The following ROBO2 variants were observed in gnomAD, a reference collection of about 807,000 sequenced individuals.
The protein encoded by ROBO2 is roundabout homolog 2.
In ROBO2, 53 loss-of-function variants were observed where a neutral mutation model predicts 160.8. The ratio of observed to expected loss-of-function variants is 0.33; its 90% confidence interval spans 0.26 to 0.41. ROBO2 has a LOEUF of 0.41. Ranked by LOEUF, ROBO2 falls within the 10% of genes least tolerant of loss-of-function variation. The pLI is 1.00. For synonymous variants in ROBO2, 664 were observed against 611.7 expected (o/e 1.09, Z -1.26); for missense variants, 1,577 against 1,722.4 (o/e 0.92, Z 1.49).
At chr3:76,157,464 T>C (rs2072452951) in intron 2 of ROBO2, among the ~76,000 whole-genome samples, 1 of 152,198 alleles carries the variant, frequency 6.6e-6, no homozygotes, top group Non-Finnish European at 1.5e-5. Flanking sequence ...AATCTGTGAG[T>C]ATATAATCAA....
chr3:76,453,141 T>C (rs2077563019), intron 2 of ROBO2, among the ~76,000 whole-genome samples: 1 of 152,192 alleles, frequency 6.6e-6, no homozygotes, highest in South Asian at 2.1e-4. Context: ...TTCACTCTGA[T>C]GGTAGTTTCT....
intron 2 of ROBO2, among the ~76,000 whole-genome samples, chr3:76,544,728 T>C (rs2083000396): frequency 6.6e-6 from 1 of 151,990 alleles, no homozygotes. Context: ...AGGCAAATAA[T>C]TCAATTTCCT....
At chr3:77,409,892 C>G (rs1456417931) in intron 2 of ROBO2, among the ~76,000 whole-genome samples, 1 of 152,154 alleles carries the variant, frequency 6.6e-6, no homozygotes, top group African/African-American at 2.4e-5. Context: ...GATTACATAG[C>G]TTTTCCTGTA....
chr3:76,505,698 A>G (rs2080757107), intron 2 of ROBO2, among the ~76,000 whole-genome samples: 1 of 152,190 alleles, frequency 6.6e-6, no homozygotes, highest in African/African-American at 2.4e-5. Context: ...AAGAAGCTAG[A>G]AAGAGCCAAG....
At chr3:76,201,474 T>C (rs1247136909) in intron 2 of ROBO2, among the ~76,000 whole-genome samples, 3 of 152,148 alleles carry the variant, frequency 2.0e-5, no homozygotes, top group African/African-American at 7.2e-5. Flanking sequence ...CCATACAAAC[T>C]ATCCCTGAAC....
At chr3:77,220,309 C>T (rs181169134) in intron 2 of ROBO2, among the ~76,000 whole-genome samples, 66 of 152,028 alleles carry the variant, frequency 4.3e-4, no homozygotes, top group African/African-American at 1.4e-3. Context: ...TGCGCCTGGC[C>T]GAGAAAACAT....
At chr3:76,744,773 A>G (rs1337992674) in intron 2 of ROBO2, among the ~76,000 whole-genome samples, 2 of 81,974 alleles carry the variant, frequency 2.4e-5, no homozygotes, top group East Asian at 6.2e-4. Context: ...CTAAAAACTC[A>G]AATTTAAATA....
chr3:76,119,916 C>CCTTCCTT (rs2070661295), intron 2 of ROBO2, among the ~76,000 whole-genome samples: 34 of 88,118 alleles, frequency 3.9e-4, no homozygotes, highest in Non-Finnish European at 5.7e-4. Flanking sequence ...TTCCCTCCCT[C>CCTTCCTT]CCTTCCTTCC....
Position 76,202,973 on chromosome 3 carries a change from A to ACACTCTTCCCTCCTAAAATATAT in ROBO2, c.109+265371_109+265372insCACTCTTCCCTCCTAAAATATAT, listed in dbSNP as rs1702608857. Among the ~76,000 whole-genome samples, 3 of 151,652 alleles carry ACACTCTTCCCTCCTAAAATATAT rather than the reference A, an allele frequency of 2.0e-5. No individual in the cohort carries two copies. In the South Asian group the frequency reaches 6.2e-4, roughly 31 times the overall value. On this transcript the variant is annotated intron_variant, in intron 2 of 26. Coordinates refer to the ROBO2 transcript ENST00000487694. ...ATACTTTAGTAGCTGTGTGTAGTTCATGAGTCCAAACTGGATCACACTCTT... is the reference window on the plus strand; with the variant it reads ...ATACTTTAGTAGCTGTGTGTAGTTCACACTCTTCCCTCCTAAAATATATTGAGTCCAAACTGGATCACACTCTT...
intron 2 of ROBO2, among the ~76,000 whole-genome samples, chr3:76,388,893 C>A (rs2077021087): frequency 6.6e-6 from 1 of 151,940 alleles, no homozygotes. Flanking sequence ...TTAAACAGTG[C>A]ATTTGCCTTA....
chr3:76,622,231 G>GA (rs1391088473), intron 2 of ROBO2, among the ~76,000 whole-genome samples: 42 of 36,318 alleles, frequency 1.2e-3, no homozygotes, highest in African/African-American at 1.6e-3. Flanking sequence ...AGGAAGGAAG[G>GA]AAGGAAGAAA....
At chr3:76,328,874 AC>A in intron 2 of ROBO2, among the ~76,000 whole-genome samples, 1 of 61,472 alleles carries the variant, frequency 1.6e-5, no homozygotes, top group East Asian at 2.8e-4. Flanking sequence ...AAACAAACAA[AC>A]AAAAACAAAT....
intron 2 of ROBO2, among the ~76,000 whole-genome samples, chr3:76,273,149 A>C (rs1379797216): frequency 1.5e-5 from 2 of 130,096 alleles, no homozygotes; most frequent in Admixed American, 9.3e-5. Flanking sequence ...ATATATATAC[A>C]CATTTCTATT....
chr3:76,882,076 C>G (rs533547694), intron 2 of ROBO2, among the ~76,000 whole-genome samples: 1 of 123,180 alleles, frequency 8.1e-6, no homozygotes, highest in Admixed American at 8.3e-5. Context: ...TCTGTTGGGT[C>G]GTAGGTTGGT....
intron 2 of ROBO2, among the ~76,000 whole-genome samples, chr3:76,340,085 CA>C (rs5850251): frequency 1.3e-4 from 19 of 144,586 alleles, no homozygotes; most frequent in African/African-American, 3.8e-4. Flanking sequence ...GAACCAATTG[CA>C]AAAAAAAAAA....
At chr3:77,524,688 G>A (rs2090957874) in intron 6 of ROBO2, among the ~76,000 whole-genome samples, 1 of 151,322 alleles carries the variant, frequency 6.6e-6, no homozygotes, top group Non-Finnish European at 1.5e-5. Context: ...TTTGCTGAAA[G>A]TTTCAGGCTT....
intron 2 of ROBO2, among the ~76,000 whole-genome samples, chr3:77,309,210 G>T (rs1420268144): frequency 6.6e-6 from 1 of 151,744 alleles, no homozygotes; most frequent in Non-Finnish European, 1.5e-5. Flanking sequence ...TCTAATAAAT[G>T]CCAGTTGTTA....
intron 1 of ROBO2, among the ~76,000 whole-genome samples, chr3:77,086,702 G>T (rs1215492706): frequency 6.6e-6 from 1 of 152,046 alleles, no homozygotes; most frequent in East Asian, 1.9e-4. Flanking sequence ...GCTAAAATCA[G>T]TCATTGTGTG....
chr3:76,708,106 A>G (rs1576134793), intron 2 of ROBO2, among the ~76,000 whole-genome samples: 1 of 152,156 alleles, frequency 6.6e-6, no homozygotes, highest in African/African-American at 2.4e-5. Context: ...ATATATCTTT[A>G]TATCTCTGAA....
Sources: gnomAD v4.1 joint callset for allele counts (sites outside exome capture counted in the v4.1 genomes callset) on GRCh38, gnomAD v4.1.1 for gene constraint, MANE v1.5 for transcripts, NCBI Gene and HGNC (gene_info 2026-07-23, HGNC 2026-07-21) for gene names.